DCDC1: variants seen among roughly 807,000 people sequenced by gnomAD.
DCDC1 encodes the protein doublecortin domain containing 1.
Under a neutral mutation model 178.3 loss-of-function variants are expected in DCDC1, and 200 were observed. The observed-to-expected ratio is 1.12, with a 90% CI of 1.00 to 1.26. The LOEUF (loss-of-function observed/expected upper bound fraction) is 1.26, where lower values mean the gene tolerates loss of function less well. DCDC1 is among the 50% of genes most tolerant of loss of function. DCDC1 has a pLI of 0.00. For missense variants in DCDC1, 1,983 were observed against 1,749.2 expected (o/e 1.13, Z -2.38); for synonymous variants, 690 against 604.8 (o/e 1.14, Z -2.07).
At chr11:30,915,390 A>G (rs1422721703) in intron 27 of DCDC1, 121 bp downstream of exon 27, 1 of 1,012,002 alleles carries the variant, frequency 9.9e-7, no homozygotes, top group Non-Finnish European at 1.4e-6. Flanking sequence ...ATTATCAGCT[A>G]AGTTAAATAG....
At chr11:31,121,410 C>T (rs1197355577) in intron 11 of DCDC1, among the ~76,000 whole-genome samples, 1 of 147,200 alleles carries the variant, frequency 6.8e-6, no homozygotes, top group African/African-American at 2.5e-5. Context: ...ACAGAGGCTG[C>T]TCCCGGTTTT....
chr11:31,335,191 C>G (rs188705501), intron 2 of DCDC1, among the ~76,000 whole-genome samples: 2 of 152,294 alleles, frequency 1.3e-5, no homozygotes, highest in Admixed American at 1.3e-4. Flanking sequence ...GCTCCGTGGG[C>G]ATGGGACCCA....
chr11:31,063,533 G>GT (rs1263389352), intron 20 of DCDC1, among the ~76,000 whole-genome samples: 2 of 152,194 alleles, frequency 1.3e-5, no homozygotes, highest in East Asian at 1.9e-4. Flanking sequence ...ATTGAAATAA[G>GT]TTTTTTGTCT....
intron 21 of DCDC1, among the ~76,000 whole-genome samples, chr11:30,935,109 TA>T (rs1178350159): frequency 1.3e-5 from 2 of 152,200 alleles, no homozygotes; most frequent in African/African-American, 4.8e-5. Context: ...GTGATAAGTA[TA>T]GGATTGCATT....
chr11:30,977,917 G>C (rs193113440), intron 20 of DCDC1, among the ~76,000 whole-genome samples: 1 of 152,172 alleles, frequency 6.6e-6, no homozygotes. Flanking sequence ...GTGACAGACC[G>C]AGACCCTGTT....
At chr11:30,963,329 C>CA (rs1491245028) in intron 20 of DCDC1, among the ~76,000 whole-genome samples, 3 of 152,122 alleles carry the variant, frequency 2.0e-5, no homozygotes. Flanking sequence ...TTCCTGGCCT[C>CA]AGTTATGTCA....
intron 7 of DCDC1, among the ~76,000 whole-genome samples, chr11:31,287,659 T>G (rs1946934384): frequency 6.6e-6 from 1 of 151,974 alleles, no homozygotes; most frequent in African/African-American, 2.4e-5. Context: ...GGAGCAATAC[T>G]ATTAATATTT....
chr11:30,915,461 A>G, intron 27 of DCDC1, 50 bp downstream of exon 27: 1 of 1,588,750 alleles, frequency 6.3e-7, no homozygotes, highest in Non-Finnish European at 8.6e-7. Flanking sequence ...TAGACTTATT[A>G]GGATCCTATT....
chr11:31,359,560 T>C (rs1285529196), intron 1 of DCDC1, among the ~76,000 whole-genome samples: 1 of 149,840 alleles, frequency 6.7e-6, no homozygotes, highest in Non-Finnish European at 1.5e-5. Context: ...ATTGTGCACA[T>C]GTACCCTAAA....
At chr11:31,151,311 ATCGAAG>A (rs1965143336) in intron 9 of DCDC1, among the ~76,000 whole-genome samples, 1 of 152,244 alleles carries the variant, frequency 6.6e-6, no homozygotes, top group Non-Finnish European at 1.5e-5. Context: ...TTAAATTCAA[ATCGAAG>A]CATAAAATTA....
chr11:30,956,495 T>A (rs903554280), intron 20 of DCDC1, among the ~76,000 whole-genome samples: 1 of 152,182 alleles, frequency 6.6e-6, no homozygotes, highest in Admixed American at 6.5e-5. Context: ...CAACACAACA[T>A]AGTTGTATCC....
chr11:31,128,273 TAG>T (rs1961932929), intron 10 of DCDC1, among the ~76,000 whole-genome samples: 7 of 152,098 alleles, frequency 4.6e-5, no homozygotes, highest in African/African-American at 1.7e-4. Flanking sequence ...ATAAAACGTA[TAG>T]TTTTTCCAGA....
chr11:31,128,439 C>T (rs1961956705), intron 10 of DCDC1, among the ~76,000 whole-genome samples: 1 of 152,008 alleles, frequency 6.6e-6, no homozygotes, highest in African/African-American at 2.4e-5. Flanking sequence ...AGAATCATTA[C>T]CATTCTTTGA....
At chr11:31,225,205 T>C (rs1457544857) in intron 9 of DCDC1, among the ~76,000 whole-genome samples, 3 of 152,228 alleles carry the variant, frequency 2.0e-5, no homozygotes, top group South Asian at 4.1e-4. Flanking sequence ...ATAATGGCCT[T>C]TGCAGCAACT....
At chr11:30,977,344 C>G (rs969869125) in intron 20 of DCDC1, among the ~76,000 whole-genome samples, 1 of 152,114 alleles carries the variant, frequency 6.6e-6, no homozygotes, top group African/African-American at 2.4e-5. Flanking sequence ...GAAAAGTTCC[C>G]AACACATAGA....
chr11:30,887,175 A>G (rs527862145), intron 36 of DCDC1, among the ~76,000 whole-genome samples: 1 of 152,306 alleles, frequency 6.6e-6, no homozygotes, highest in South Asian at 2.1e-4. Flanking sequence ...TCATGCATGG[A>G]AGAAATAGAC....
chr11:31,133,378 C>G (rs753973562), intron 10 of DCDC1, among the ~76,000 whole-genome samples: 3 of 152,160 alleles, frequency 2.0e-5, no homozygotes, highest in Non-Finnish European at 2.9e-5. Context: ...GTCAGCACTT[C>G]AATTTAAGAT....
chr11:31,125,103 A>T (rs1286484495), intron 11 of DCDC1, among the ~76,000 whole-genome samples: 1 of 152,160 alleles, frequency 6.6e-6, no homozygotes, highest in African/African-American at 2.4e-5. Flanking sequence ...CCCCATTAAA[A>T]AGTGGGCAAA....
At chr11:30,948,974 G>A (rs1590495163) in intron 21 of DCDC1, among the ~76,000 whole-genome samples, 3 of 152,278 alleles carry the variant, frequency 2.0e-5, no homozygotes, top group Admixed American at 2.0e-4. Flanking sequence ...AACACCAAAA[G>A]CAATGGCAAC....
Sources: allele counts gnomAD v4.1 joint callset (sites outside exome capture counted in the v4.1 genomes callset), GRCh38; gene constraint gnomAD v4.1.1; transcripts MANE v1.5; gene names NCBI Gene and HGNC (gene_info 2026-07-23, HGNC 2026-07-21).